ZNF608: variants seen among roughly 807,000 people sequenced by gnomAD.
The protein encoded by ZNF608 is zinc finger protein 608.
Under a neutral mutation model 109.0 loss-of-function variants are expected in ZNF608, and 12 were observed. The ratio of observed to expected loss-of-function variants is 0.11; its 90% CI spans 0.07 to 0.18. ZNF608 has a LOEUF of 0.18. Among genes scored for constraint, ZNF608 ranks in the 10% least tolerant of loss-of-function variants. The probability of loss-of-function intolerance (pLI) is 1.00; values close to 1 mark genes in which losing one functional copy is unlikely to be tolerated. For synonymous variants in ZNF608, 732 were observed against 717.4 expected (o/e 1.02, Z -0.33); for missense variants, 1,707 against 1,879.3 (o/e 0.91, Z 1.70).
chr5:124,721,806 C>T (rs552248460), intron 2 of ZNF608, among the ~76,000 whole-genome samples: 5 of 151,286 alleles, frequency 3.3e-5, no homozygotes, highest in South Asian at 4.2e-4. Context: ...GGCGAGGTGG[C>T]GGGCGCCTGT....
intron 2 of ZNF608, among the ~76,000 whole-genome samples, chr5:124,733,978 T>A (rs977416637): frequency 1.2e-4 from 19 of 152,136 alleles, no homozygotes; most frequent in African/African-American, 4.6e-4. Context: ...GCATTAGAAA[T>A]CAATCAATAT....
chr5:124,736,850 C>T (rs997607646), intron 2 of ZNF608, among the ~76,000 whole-genome samples: 2 of 152,138 alleles, frequency 1.3e-5, no homozygotes, highest in Non-Finnish European at 2.9e-5. Flanking sequence ...ATAAAAGAGT[C>T]CACTTCTTAA....
chr5:124,740,349 C>T (rs1749333857), intron 2 of ZNF608, among the ~76,000 whole-genome samples: 1 of 152,086 alleles, frequency 6.6e-6, no homozygotes, highest in South Asian at 2.1e-4. Flanking sequence ...CCTTAGTTAC[C>T]AACGTCTTTA....
intron 2 of ZNF608, among the ~76,000 whole-genome samples, chr5:124,733,749 TCTA>T (rs1749018330): frequency 6.6e-6 from 1 of 152,220 alleles, no homozygotes; most frequent in Non-Finnish European, 1.5e-5. Context: ...GCTGTTTTTT[TCTA>T]CTACTAGTCA....
In ZNF608 at chr5:124,647,625, T is replaced by G. The variant is rs1311165722; in HGVS notation, c.2759A>C (p.His920Pro). 6.2e-7 allele frequency: 1 copy of G among 1,614,204 alleles called. No homozygotes were observed. Residue 920 changes from histidine (H) to proline (P), a missense_variant, in exon 5 of 10, where the codon CAT (histidine) becomes CCT (proline). Around this residue, in one of 7 missense-constraint regions of ZNF608, gnomAD observed 1,073 missense variants for 1,133.5 expected, o/e 0.95. Coordinates refer to ENST00000513986, the MANE Select transcript of ZNF608 (RefSeq NM_020747.3). ...VNGQAPMAPL[H>P]VLTQNGAESS... The stretch of plus-strand genomic sequence containing the variant: ...CTCTGCCCCATTCTGGGTCAACACA[T>G]GCAGAGGTGCCATTGGTGCCTGCCC...
rs201272416 is a variant in ZNF608, at chr5:124,646,663, C to T, written c.3705+16G>A. On this transcript the variant is annotated intron_variant, in intron 5 of 9. Transcript: ENST00000513986. The stretch of plus-strand genomic sequence containing the variant: ...GACTGCTCTCTCCCTGTTGGGGCCA[C>T]GCTCCACAATCTTACTTGTTTAAAT... The T allele has an allele frequency of 2.7e-5, 43 of 1,600,258 alleles. No homozygotes were observed. Among genetic ancestry groups the T allele is most frequent in the Middle Eastern group, 3.6e-4 (2 of 5,606 alleles).
chr5:124,685,803 C>T (rs1752389949), intron 3 of ZNF608, among the ~76,000 whole-genome samples: 1 of 152,154 alleles, frequency 6.6e-6, no homozygotes, highest in African/African-American at 2.4e-5. Flanking sequence ...GAGCCACAGA[C>T]CTCTGTGCTG....
At position 124,644,432 on chromosome 5, in the gene ZNF608, T is replaced by C; in HGVS notation, c.3935A>G (p.Lys1312Arg). The C allele has an allele frequency of 6.2e-7, 1 of 1,614,184 alleles. No individual in the cohort carries two copies. The highest frequency in any genetic ancestry group is 8.5e-7 in the Non-Finnish European group (1 of 1,180,040). Residue 1312 changes from lysine to arginine, a missense_variant, in exon 6 of 10, where the codon AAA becomes AGA. By Grantham distance (26) the Lys-to-Arg change is conservative. Transcript: ENST00000513986. ...CACAGGAGTCTTTCGATCATCATTT[T>C]TCAGCTTGCTCTCCTCCATTGATTG... Reference protein sequence around the residue: ...DSQSMEESKLKNDDRKTPVNW... With the variant: ...DSQSMEESKLRNDDRKTPVNW...
intron 3 of ZNF608, among the ~76,000 whole-genome samples, chr5:124,651,341 C>G (rs1580543706): frequency 6.6e-6 from 1 of 152,130 alleles, no homozygotes; most frequent in Non-Finnish European, 1.5e-5. Flanking sequence ...GGAGAGGAGG[C>G]AAAGGGGAAG....
chr5:124,652,498 C>G lies in ZNF608; in HGVS notation c.1163-2801G>C, dbSNP rs1235632477. The stretch of plus-strand genomic sequence containing the variant: ...TATATGTACGAGCCGCTTCACAATG[C>G]CACAGAGTGTTTAAATCTGCCCACA... On this transcript the variant is annotated intron_variant, in intron 3 of 9. Coordinates refer to ENST00000513986, the MANE Select transcript of ZNF608 (RefSeq NM_020747.3). 2.6e-5 allele frequency among the ~76,000 whole-genome samples: 4 copies of G among 152,204 alleles called. No individual in the cohort carries two copies. The East Asian group carries it at 7.7e-4, about 29-fold the overall frequency.
rs903926952 is a variant in ZNF608, at chr5:124,718,675, A to AT, written c.907-17407dup. Among the ~76,000 whole-genome samples, 29 of 151,700 alleles carry AT rather than the reference A, an allele frequency of 1.9e-4. No homozygotes were observed. The East Asian group carries it at 4.8e-3, about 25-fold the overall frequency. The stretch of plus-strand genomic sequence containing the variant: ...AGTAATTCAGCCACTAAAACAAGGC[A>AT]TTTTTTTTTCCTCTCTTCTCTGTTG... On this transcript the variant is annotated intron_variant, in intron 2 of 9. Transcript: ENST00000513986.
intron 2 of ZNF608, among the ~76,000 whole-genome samples, chr5:124,724,336 A>G (rs1486259941): frequency 1.3e-5 from 2 of 152,132 alleles, no homozygotes; most frequent in African/African-American, 4.8e-5. Flanking sequence ...TTTTCATTAT[A>G]TAACATTTTA....
intron 3 of ZNF608, among the ~76,000 whole-genome samples, chr5:124,674,633 CAG>C (rs1436128462): frequency 3.3e-5 from 5 of 152,292 alleles, no homozygotes; most frequent in East Asian, 1.9e-4. Context: ...TGCTTTGAGA[CAG>C]AGTCTCCCTC....
chr5:124,733,205 CTA>C (rs1748983645), intron 2 of ZNF608, among the ~76,000 whole-genome samples: 1 of 148,366 alleles, frequency 6.7e-6, no homozygotes, highest in Non-Finnish European at 1.5e-5. Flanking sequence ...TTCATTCTCT[CTA>C]TCTCTCTCTC....
chr5:124,675,543 G>A (rs974210957), intron 3 of ZNF608, among the ~76,000 whole-genome samples: 1 of 152,030 alleles, frequency 6.6e-6, no homozygotes, highest in African/African-American at 2.4e-5. Flanking sequence ...TAGCAATATT[G>A]TATCCGTTAA....
At chr5:124,748,002 T>C (rs1442993281), upstream of ZNF608, among the ~76,000 whole-genome samples, 4 of 152,200 alleles carry the variant, frequency 2.6e-5, no homozygotes, top group Non-Finnish European at 5.9e-5. Flanking sequence ...CTTTTATTTT[T>C]TCTCTTAATG....
At chr5:124,646,253 C>T (rs1750495236) in intron 5 of ZNF608, among the ~76,000 whole-genome samples, 1 of 152,094 alleles carries the variant, frequency 6.6e-6, no homozygotes. Flanking sequence ...CCCAGCTACT[C>T]AGGAGGCTGA....
intron 3 of ZNF608, among the ~76,000 whole-genome samples, chr5:124,667,850 G>A (rs1167420649): frequency 1.3e-5 from 2 of 152,254 alleles, no homozygotes; most frequent in African/African-American, 2.4e-5. Context: ...ACTAGGAAAT[G>A]GAACCCAGTT....
chr5:124,742,133 A>T (rs1392415447), intron 2 of ZNF608, among the ~76,000 whole-genome samples: 1 of 152,134 alleles, frequency 6.6e-6, no homozygotes, highest in African/African-American at 2.4e-5. Flanking sequence ...TTGCATGTAT[A>T]TGAATAATTT....
Sources: gnomAD v4.1 joint callset for allele counts (sites outside exome capture counted in the v4.1 genomes callset) on GRCh38, gnomAD v4.1.1 for gene constraint, gnomAD v4.1.1 regional missense constraint, MANE v1.5 for transcripts, NCBI Gene and HGNC (gene_info 2026-07-23, HGNC 2026-07-21) for gene names.